The following ABI2 variants were observed in gnomAD, a reference collection of about 807,000 sequenced individuals.
The protein encoded by ABI2 is abl interactor 2.
Under a neutral mutation model 59.2 loss-of-function variants are expected in ABI2, and 25 were observed. The observed-to-expected ratio is 0.42, with a 90% CI of 0.31 to 0.59. The LOEUF is 0.59. ABI2 is among the 20% of genes least tolerant of loss of function. ABI2 has a pLI of 0.14. For missense variants in ABI2, 545 were observed against 681.8 expected, an observed-to-expected ratio of 0.80 and a Z score of 2.23; for synonymous variants, 213 against 235.5, an observed-to-expected ratio of 0.90 and a Z score of 0.87.
At chr2:203,342,931 G>A (rs1423480376) in intron 1 of ABI2, among the ~76,000 whole-genome samples, 1 of 152,092 alleles carries the variant, frequency 6.6e-6, no homozygotes, top group Non-Finnish European at 1.5e-5. Flanking sequence ...AATCATTCAT[G>A]CATTTGTTTA....
chr2:203,389,341 A>T (rs1578680877), intron 4 of ABI2, among the ~76,000 whole-genome samples: 1 of 152,190 alleles, frequency 6.6e-6, no homozygotes, highest in East Asian at 1.9e-4. Flanking sequence ...CAAAGGTATC[A>T]TTTGTCATTA....
At chr2:203,343,485 A>G (rs2081304369) in intron 1 of ABI2, among the ~76,000 whole-genome samples, 1 of 152,108 alleles carries the variant, frequency 6.6e-6, no homozygotes. Flanking sequence ...GTGATTAAAG[A>G]TAGAATTTCT....
intron 1 of ABI2, among the ~76,000 whole-genome samples, chr2:203,332,680 T>C (rs1257575515): frequency 6.6e-6 from 1 of 152,216 alleles, no homozygotes; most frequent in Non-Finnish European, 1.5e-5. Context: ...GTCCAGGAAT[T>C]AAAAATGTTT....
intron 10 of ABI2, 82 bp from the exon 11 acceptor site, chr2:203,416,826 T>C (rs535600010): frequency 7.2e-7 from 1 of 1,382,602 alleles, no homozygotes; most frequent in African/African-American, 1.5e-5. Flanking sequence ...TAGGTTTATA[T>C]TCCATGAACC....
rs1410538572 is a variant in ABI2, at chr2:203,366,863, G to T, written c.118-14G>T. ...TTTTTGAATTAATGATCACTGGTTT[G>T]TTTTTTTTCCCAGTCAGCAGATAAG... On this transcript the variant is annotated splice_polypyrimidine_tract_variant and intron_variant, in intron 1 of 11. Coordinates refer to ENST00000261018, the MANE Select transcript of ABI2 (RefSeq NM_001375670.1). The T allele has an allele frequency of 1.3e-6, 2 of 1,525,024 alleles. No individual in the cohort carries two copies. The highest frequency in any genetic ancestry group is 1.8e-6 in the Non-Finnish European group (2 of 1,131,072). 94.5% of individuals were successfully genotyped at this position (1,525,024 alleles called of 1,614,324 possible).
At chr2:203,397,004 T>G in intron 8 of ABI2, 37 bp downstream of exon 8, 1 of 1,354,432 alleles carries the variant, frequency 7.4e-7, no homozygotes, top group Admixed American at 3.5e-5. Flanking sequence ...GCAGATGCAG[T>G]CATCTGGCTA....
chr2:203,418,759 T>C (rs1045179279), intron 11 of ABI2, among the ~76,000 whole-genome samples: 27 of 152,228 alleles, frequency 1.8e-4, no homozygotes, highest in Admixed American at 1.1e-3. Context: ...CATAAAGGCA[T>C]GAATACTATG....
At chr2:203,328,666 C>T (rs772754179) in intron 1 of ABI2, 35 bp downstream of exon 1, 1 of 1,418,448 alleles carries the variant, frequency 7.0e-7, no homozygotes. Context: ...GCGTCGGGGA[C>T]CCCCCCGCCG....
chr2:203,359,715 A>C (rs2093093022), intron 1 of ABI2, among the ~76,000 whole-genome samples: 1 of 152,140 alleles, frequency 6.6e-6, no homozygotes, highest in East Asian at 1.9e-4. Flanking sequence ...CAGAAGGGAC[A>C]AACAAGCTCC....
intron 2 of ABI2, among the ~76,000 whole-genome samples, chr2:203,368,994 T>A (rs1450772653): frequency 1.5e-4 from 18 of 120,616 alleles, no homozygotes; most frequent in Non-Finnish European, 2.4e-4. Context: ...ATTTTTTTTT[T>A]TTTTTTTTTT....
In ABI2 at chr2:203,396,804, C is replaced by T. The variant is rs1415104532; in HGVS notation, c.870C>T (p.Gly290=). 6.5e-7 allele frequency: 1 copy of T among 1,531,122 alleles called. No homozygotes were observed. Among genetic ancestry groups the T allele is most frequent in the Non-Finnish European group, 8.7e-7 (1 of 1,144,894 alleles). The allele number at this position is 1,531,122 out of a possible 1,614,324, so 94.8% of individuals were successfully genotyped here. ...SVFPAPAGSA[G]TPPLPATSAS... ...CCTCAGCCCCTGCTGGCTCTGCTGG[C>T]ACTCCTCCCCTTCCTGCTACTTCTG... Residue 290 remains glycine, a synonymous_variant, in exon 8 of 12, where the codon GGC becomes GGT. Transcript: ENST00000261018.
At chr2:203,328,885 G>A (rs906065481) in intron 1 of ABI2, 7 of 301,106 alleles carry the variant, frequency 2.3e-5, no homozygotes, top group African/African-American at 1.3e-4. Flanking sequence ...CCTCCTCGCC[G>A]CTCCCGCCCT....
At chr2:203,391,798 G>GTGGC (rs1413922643) in intron 5 of ABI2, among the ~76,000 whole-genome samples, 6 of 149,492 alleles carry the variant, frequency 4.0e-5, no homozygotes, top group Non-Finnish European at 8.9e-5. Flanking sequence ...TGCAGCCTCA[G>GTGGC]TGGCAGAGTG....
chr2:203,352,950 A>G (rs945544827), intron 1 of ABI2, among the ~76,000 whole-genome samples: 1 of 152,234 alleles, frequency 6.6e-6, no homozygotes, highest in Non-Finnish European at 1.5e-5. Flanking sequence ...ATAGTATTCC[A>G]TATGGTAACA....
chr2:203,339,296 C>G (rs564016682), intron 1 of ABI2, among the ~76,000 whole-genome samples: 9 of 151,432 alleles, frequency 5.9e-5, no homozygotes, highest in Non-Finnish European at 1.2e-4. Flanking sequence ...AAAACTGGTT[C>G]CGGCCGGGTG....
intron 1 of ABI2, among the ~76,000 whole-genome samples, chr2:203,351,132 T>C (rs1355460770): frequency 1.3e-5 from 2 of 152,198 alleles, no homozygotes; most frequent in East Asian, 3.8e-4. Flanking sequence ...TTAAATTGTT[T>C]TGGCATCTTC....
At chr2:203,410,395 TGTAGA>T (rs1474836007) in intron 9 of ABI2, among the ~76,000 whole-genome samples, 7 of 152,236 alleles carry the variant, frequency 4.6e-5, no homozygotes, top group East Asian at 1.9e-4. Flanking sequence ...AAACTGTAAC[TGTAGA>T]GTAATCTTTT....
In ABI2 at chr2:203,384,302, T is replaced by TTTTTTTTTG. The variant is rs2096344472; in HGVS notation, c.480+2104_480+2105insGTTTTTTTT. Among the ~76,000 whole-genome samples the TTTTTTTTTG allele has an allele frequency of 3.0e-4, 18 of 59,738 alleles. 2 individuals are homozygous for TTTTTTTTTG. The highest frequency in any genetic ancestry group is 7.8e-4 in the Admixed American group (5 of 6,422). 39.2% of individuals were successfully genotyped at this position (59,738 alleles called of 152,430 possible). ...TGTTTTTGTTTTTGTTTTTTTTTTT[T>TTTTTTTTTG]TTTTTTTTTTTTTTTTTTTTTTGAG... is the stretch of plus-strand genomic sequence containing the variant. On this transcript the variant is annotated intron_variant, in intron 4 of 11. Coordinates refer to ENST00000261018, the MANE Select transcript of ABI2 (RefSeq NM_001375670.1).
intron 1 of ABI2, among the ~76,000 whole-genome samples, chr2:203,341,576 C>T (rs1423215483): frequency 6.6e-6 from 1 of 151,934 alleles, no homozygotes; most frequent in Non-Finnish European, 1.5e-5. Flanking sequence ...TTTCTCCGGG[C>T]TTGTTGGTGT....
Sources: gnomAD v4.1 joint callset for allele counts (sites outside exome capture counted in the v4.1 genomes callset) on GRCh38, gnomAD v4.1.1 for gene constraint, MANE v1.5 for transcripts, NCBI Gene and HGNC (gene_info 2026-07-23, HGNC 2026-07-21) for gene names.